The following EXOC6B variants were observed in gnomAD, a reference collection of about 807,000 sequenced individuals.
EXOC6B encodes the protein exocyst complex component 6B, also known as SEC15 homolog B.
Under a neutral mutation model 113.5 loss-of-function variants are expected in EXOC6B, and 54 were observed. That is an observed-to-expected ratio of 0.48 (90% CI 0.38 to 0.60). The LOEUF (loss-of-function observed/expected upper bound fraction) is 0.60. EXOC6B is among the 20% of genes least tolerant of loss of function. The probability of loss-of-function intolerance (pLI) is 0.00; values close to 1 mark genes in which losing one functional copy is unlikely to be tolerated. For synonymous variants in EXOC6B, 357 were observed against 339.0 expected (o/e 1.05, Z -0.58); for missense variants, 797 against 977.5 (o/e 0.82, Z 2.46).
At chr2:72,462,511 A>C (rs1697754715) in intron 18 of EXOC6B, 1 of 152,006 alleles carries the variant, frequency 6.6e-6, no homozygotes, top group African/African-American at 2.4e-5. Flanking sequence ...AAATTTCAGA[A>C]GTGATTACAT....
At chr2:72,691,061 C>T (rs1677446114) in intron 6 of EXOC6B, among the ~76,000 whole-genome samples, 1 of 151,840 alleles carries the variant, frequency 6.6e-6, no homozygotes, top group Admixed American at 6.6e-5. Flanking sequence ...GAGTTCAAGA[C>T]CAGCCTGGGA....
chr2:72,505,090 A>G (rs1032830544), intron 11 of EXOC6B, among the ~76,000 whole-genome samples: 19 of 151,876 alleles, frequency 1.3e-4, no homozygotes, highest in African/African-American at 4.4e-4. Flanking sequence ...ATTTTATTGT[A>G]GTTTGATGTT....
At chr2:72,574,601 A>G (rs999632250) in intron 7 of EXOC6B, among the ~76,000 whole-genome samples, 1 of 152,118 alleles carries the variant, frequency 6.6e-6, no homozygotes, top group African/African-American at 2.4e-5. Flanking sequence ...AGCACTTACA[A>G]AAAAAAGGCT....
intron 1 of EXOC6B, among the ~76,000 whole-genome samples, chr2:72,789,147 C>A (rs1684536611): frequency 6.6e-6 from 1 of 152,132 alleles, no homozygotes; most frequent in South Asian, 2.1e-4. Flanking sequence ...TGAGCAAAAG[C>A]ACAAAACATA....
intron 18 of EXOC6B, among the ~76,000 whole-genome samples, chr2:72,458,127 T>C (rs1697363882): frequency 6.6e-6 from 1 of 152,146 alleles, no homozygotes; most frequent in Admixed American, 6.6e-5. Flanking sequence ...TATACATTTT[T>C]TCTATCAATC....
chr2:72,530,438 A>G (rs182244162), intron 8 of EXOC6B, among the ~76,000 whole-genome samples: 1 of 152,218 alleles, frequency 6.6e-6, no homozygotes, highest in East Asian at 1.9e-4. Context: ...ACTAATTTCT[A>G]GTCTGATTCC....
chr2:72,528,474 T>C (rs562710975), intron 8 of EXOC6B, among the ~76,000 whole-genome samples: 1 of 152,272 alleles, frequency 6.6e-6, no homozygotes, highest in Non-Finnish European at 1.5e-5. Flanking sequence ...TATGAGTTAA[T>C]TTCTCCAATT....
At chr2:72,780,148 A>T (rs1187109563) in intron 1 of EXOC6B, among the ~76,000 whole-genome samples, 1 of 152,234 alleles carries the variant, frequency 6.6e-6, no homozygotes, top group Non-Finnish European at 1.5e-5. Flanking sequence ...AAGGCAAAGA[A>T]ACAATTCTAT....
intron 18 of EXOC6B, among the ~76,000 whole-genome samples, chr2:72,432,533 C>T (rs1159345465): frequency 6.6e-6 from 1 of 152,168 alleles, no homozygotes. Flanking sequence ...CTAATTTACA[C>T]TCCCACCAGG....
chr2:72,792,435 T>G (rs1448149232), intron 1 of EXOC6B, among the ~76,000 whole-genome samples: 2 of 152,238 alleles, frequency 1.3e-5, no homozygotes. Flanking sequence ...AAAGTATCAG[T>G]AGCATCCAAA....
chr2:72,716,907 T>C, intron 6 of EXOC6B, among the ~76,000 whole-genome samples: 1 of 152,212 alleles, frequency 6.6e-6, no homozygotes, highest in East Asian at 1.9e-4. Flanking sequence ...TACACTCTCC[T>C]ATATTTTAAA....
chr2:72,410,424 A>C (rs1316854098), intron 18 of EXOC6B, among the ~76,000 whole-genome samples: 1 of 152,208 alleles, frequency 6.6e-6, no homozygotes, highest in African/African-American at 2.4e-5. Context: ...TGATTTCAGT[A>C]TCTCAATTTG....
Position 72,318,554 on chromosome 2 carries a change from G to A in EXOC6B, c.2196+16393C>T, listed in dbSNP as rs189234305. Among the ~76,000 whole-genome samples, 818 of 152,034 alleles carry A rather than the reference G, an allele frequency of 5.4e-3. 9 individuals carry two copies. The highest frequency in any genetic ancestry group is 0.019 in the African/African-American group (784 of 41,468). On this transcript the variant is annotated intron_variant, in intron 20 of 21. Transcript: ENST00000272427. Reference sequence around the variant, plus strand: ...GACTACAGGTGCATACCACATGCCCGGCCAATTTTGTACTATTAGTAGAAA... The same window carrying A: ...GACTACAGGTGCATACCACATGCCCAGCCAATTTTGTACTATTAGTAGAAA...
chr2:72,262,223 G>A (rs1683773060), intron 20 of EXOC6B, among the ~76,000 whole-genome samples: 1 of 151,620 alleles, frequency 6.6e-6, no homozygotes, highest in Non-Finnish European at 1.5e-5. Context: ...CCTTTCCTTG[G>A]GTCTCCACTC....
chr2:72,209,297 T>C (rs1381550044), intron 20 of EXOC6B, among the ~76,000 whole-genome samples: 2 of 151,650 alleles, frequency 1.3e-5, no homozygotes, highest in Non-Finnish European at 2.9e-5. Flanking sequence ...CTTACTTAGT[T>C]GTCTCTCCCT....
chr2:72,706,196 T>C (rs953162730), intron 6 of EXOC6B, among the ~76,000 whole-genome samples: 3 of 152,218 alleles, frequency 2.0e-5, no homozygotes, highest in African/African-American at 7.2e-5. Context: ...ACACATGATA[T>C]TCACAAGAAG....
chr2:72,276,937 T>C (rs1684839558), intron 20 of EXOC6B, among the ~76,000 whole-genome samples: 1 of 152,204 alleles, frequency 6.6e-6, no homozygotes, highest in Non-Finnish European at 1.5e-5. Flanking sequence ...TGATATGCCT[T>C]GTCAATCTTC....
At chr2:72,310,290 CAACTT>C (rs913524159) in intron 20 of EXOC6B, among the ~76,000 whole-genome samples, 22 of 152,252 alleles carry the variant, frequency 1.4e-4, no homozygotes, top group African/African-American at 5.3e-4. Flanking sequence ...ACACCTTTGT[CAACTT>C]GTTATTTTCC....
chr2:72,295,383 C>A (rs878865294), intron 20 of EXOC6B, among the ~76,000 whole-genome samples: 1 of 152,106 alleles, frequency 6.6e-6, no homozygotes, highest in Admixed American at 6.5e-5. Flanking sequence ...ATTATGGAGA[C>A]TTTTCTCCTT....
Sources: allele counts gnomAD v4.1 joint callset (sites outside exome capture counted in the v4.1 genomes callset), GRCh38; gene constraint gnomAD v4.1.1; transcripts MANE v1.5; gene names NCBI Gene and HGNC (gene_info 2026-07-23, HGNC 2026-07-21).